The following TNR variants were observed in gnomAD, a reference collection of about 807,000 sequenced individuals.
TNR encodes tenascin-R.
Under a neutral mutation model 150.4 loss-of-function variants are expected in TNR, and 45 were observed. The observed-to-expected ratio is 0.30, with a 90% confidence interval of 0.24 to 0.38. The LOEUF (loss-of-function observed/expected upper bound fraction) is 0.38, where lower values mean the gene tolerates loss of function less well. Ranked by LOEUF, TNR falls within the 10% of genes least tolerant of loss-of-function variation. The probability of loss-of-function intolerance (pLI) is 1.00; values close to 1 mark genes in which losing one functional copy is unlikely to be tolerated. For missense variants in TNR, 1,544 were observed against 1,759.1 expected (o/e 0.88, Z 2.19); for synonymous variants, 687 against 678.4 (o/e 1.01, Z -0.20).
intron 9 of TNR, among the ~76,000 whole-genome samples, chr1:175,377,168 C>T (rs1652429180): frequency 1.3e-5 from 2 of 152,086 alleles, no homozygotes; most frequent in Non-Finnish European, 2.9e-5. Context: ...AATGGGAATG[C>T]TAACCATACC....
At position 175,322,361 on chromosome 1, in the gene TNR, G is replaced by A. The variant is rs954564022; in HGVS notation, c.*996C>T. On this transcript the variant is annotated 3_prime_UTR_variant, in exon 23 of 23. Transcript: ENST00000367674. ...GGGCTTTTGAGGCTCTGGGGTCTAA[G>A]ACAGGATGGGATTAGGCAAAAGACT... 1.3e-5 allele frequency: 2 copies of A among 152,304 alleles called. No homozygotes were observed. Among genetic ancestry groups the A allele is most frequent in the African/African-American group, 2.4e-5 (1 of 41,476 alleles). 9.4% of individuals were successfully genotyped at this position (152,304 alleles called of 1,614,324 possible).
At chr1:175,685,315 C>A (rs553725121) in intron 1 of TNR, among the ~76,000 whole-genome samples, 1 of 152,326 alleles carries the variant, frequency 6.6e-6, no homozygotes, top group East Asian at 1.9e-4. Flanking sequence ...CAATAACTGA[C>A]CTGTGACCTT....
intron 1 of TNR, among the ~76,000 whole-genome samples, chr1:175,550,466 C>T (rs1454779995): frequency 6.6e-6 from 1 of 152,000 alleles, no homozygotes; most frequent in Non-Finnish European, 1.5e-5. Flanking sequence ...TAAGTGAGGC[C>T]CCTATACTGA....
rs766080908 is a variant in TNR at position 175,379,592 on chromosome 1, G to C, written c.1923C>G (p.Val641=). ...TGGTGGTTGGACCAATGCCCCTGGG[G>C]ACCAGTACCTCATGATATTGCTCAC... The part of the protein sequence containing the change: ...LAGEQYHEVL[V]PRGIGPTTRA... Residue 641 remains valine, a synonymous_variant, in exon 9 of 23, where the codon GTC becomes GTG. Transcript: ENST00000367674. The C allele has an allele frequency of 5.0e-6, 8 of 1,613,816 alleles. No homozygotes were observed. The highest frequency in any genetic ancestry group is 6.8e-6 in the Non-Finnish European group (8 of 1,180,018).
intron 1 of TNR, among the ~76,000 whole-genome samples, chr1:175,694,987 T>A (rs926832199): frequency 2.0e-5 from 3 of 152,228 alleles, no homozygotes; most frequent in Non-Finnish European, 4.4e-5. Context: ...TAACGTCCTC[T>A]TGGCTTTTGT....
chr1:175,413,226 A>G (rs1201720394), intron 2 of TNR, among the ~76,000 whole-genome samples: 1 of 152,174 alleles, frequency 6.6e-6, no homozygotes, highest in Non-Finnish European at 1.5e-5. Context: ...GGGTTTCACC[A>G]TGTTGGCCAG....
At chr1:175,580,821 A>G (rs898147637) in intron 1 of TNR, among the ~76,000 whole-genome samples, 7 of 151,962 alleles carry the variant, frequency 4.6e-5, no homozygotes, top group African/African-American at 1.2e-4. Flanking sequence ...TGGCATGTAG[A>G]TCTATTTCCT....
intron 1 of TNR, among the ~76,000 whole-genome samples, chr1:175,627,495 A>G (rs547534903): frequency 9.2e-5 from 14 of 152,314 alleles, no homozygotes; most frequent in East Asian, 3.9e-4. Flanking sequence ...TTCAAATTCT[A>G]TTATTATATC....
At chr1:175,352,568 A>C (rs1447365619) in intron 18 of TNR, among the ~76,000 whole-genome samples, 1 of 152,172 alleles carries the variant, frequency 6.6e-6, no homozygotes, top group African/African-American at 2.4e-5. Context: ...CTTAGTTCTG[A>C]GATCAGACAC....
rs1222933429 is a variant in TNR at position 175,403,163 on chromosome 1, T to C, written c.953A>G (p.Tyr318Cys). The C allele has an allele frequency of 6.2e-7, 1 of 1,613,464 alleles. No homozygotes were observed. Among genetic ancestry groups the C allele is most frequent in the African/African-American group, 1.3e-5 (1 of 74,908 alleles). Residue 318 changes from tyrosine (Y) to cysteine (C), a missense_variant, in exon 4 of 23, where the codon TAC becomes TGC. Physicochemically the swap from Tyr to Cys is radical, Grantham distance 194. Coordinates refer to ENST00000367674, the MANE Select transcript of TNR (RefSeq NM_003285.3). Reference protein sequence around the residue: ...EEGLCVCEEGYQGPDCSAVAP... With the variant: ...EEGLCVCEEGCQGPDCSAVAP... ...ACCTGCTGAGCAGTCAGGGCCCTGG[T>C]AGCCCTCTTCACAGACGCAGAGCCC... is the stretch of plus-strand genomic sequence containing the variant.
intron 2 of TNR, among the ~76,000 whole-genome samples, chr1:175,438,699 T>A (rs945483389): frequency 6.6e-6 from 1 of 152,168 alleles, no homozygotes; most frequent in Non-Finnish European, 1.5e-5. Context: ...ACAAAATCAA[T>A]ATGCAAAAAT....
intron 9 of TNR, 111 bp downstream of exon 9, chr1:175,379,441 T>G: frequency 4.3e-4 from 391 of 902,074 alleles, no homozygotes; most frequent in Middle Eastern, 7.1e-4. Flanking sequence ...ACTTAAGAGA[T>G]GAGATCAATA....
At chr1:175,418,459 C>T (rs1457385734) in intron 2 of TNR, among the ~76,000 whole-genome samples, 1 of 152,190 alleles carries the variant, frequency 6.6e-6, no homozygotes, top group Non-Finnish European at 1.5e-5. Flanking sequence ...CGGAGTGGCT[C>T]ATGCTTGTAA....
intron 4 of TNR, 39 bp downstream of exon 4, chr1:175,403,101 C>A (rs1196653703): frequency 6.4e-7 from 1 of 1,557,614 alleles, no homozygotes; most frequent in East Asian, 2.3e-5. Flanking sequence ...GTTTGCTGGA[C>A]CACCCTTGCC....
At chr1:175,579,069 A>G (rs773260565) in intron 1 of TNR, among the ~76,000 whole-genome samples, 27 of 152,060 alleles carry the variant, frequency 1.8e-4, no homozygotes, top group Non-Finnish European at 3.4e-4. Flanking sequence ...ACCATTTCCC[A>G]TCATAAGTCC....
intron 1 of TNR, among the ~76,000 whole-genome samples, chr1:175,650,858 T>TCATTGCTCCTCCTC (rs1664952628): frequency 4.0e-5 from 1 of 24,756 alleles, no homozygotes; most frequent in Admixed American, 4.0e-4. Context: ...ACTACCCATC[T>TCATTGCTCCTCCTC]CCCACCTCAT....
intron 2 of TNR, among the ~76,000 whole-genome samples, chr1:175,444,559 C>T (rs576496842): frequency 6.6e-6 from 1 of 152,290 alleles, no homozygotes; most frequent in African/African-American, 2.4e-5. Flanking sequence ...CACCACATCC[C>T]AGAATTAACA....
chr1:175,325,518 G>T (rs1259846376), intron 21 of TNR, among the ~76,000 whole-genome samples: 1 of 152,164 alleles, frequency 6.6e-6, no homozygotes, highest in Non-Finnish European at 1.5e-5. Flanking sequence ...CCATTACTGG[G>T]TATATACTCA....
At chr1:175,434,660 C>A (rs139230611) in intron 2 of TNR, among the ~76,000 whole-genome samples, 5 of 152,198 alleles carry the variant, frequency 3.3e-5, no homozygotes, top group Non-Finnish European at 7.3e-5. Context: ...AGGCCCCCAA[C>A]CTTACCTCTT....
Sources: gnomAD v4.1 joint callset for allele counts (sites outside exome capture counted in the v4.1 genomes callset) on GRCh38, gnomAD v4.1.1 for gene constraint, MANE v1.5 for transcripts, NCBI Gene and HGNC (gene_info 2026-07-23, HGNC 2026-07-21) for gene names.